Variants in ADAMTSL3 observed in about 807,000 individuals in gnomAD.
ADAMTSL3 encodes the protein ADAMTS-like protein 3.
A neutral mutation model predicts 201.7 loss-of-function variants in ADAMTSL3; 128 were observed. That is an observed-to-expected ratio of 0.63 (90% confidence interval 0.55 to 0.73). The LOEUF (loss-of-function observed/expected upper bound fraction) is 0.73. ADAMTSL3 is among the 30% of genes least tolerant of loss of function. The pLI is 0.00. For synonymous variants in ADAMTSL3, 738 were observed against 748.4 expected (o/e 0.99, Z 0.23); for missense variants, 1,990 against 2,119.6 (o/e 0.94, Z 1.20).
intron 2 of ADAMTSL3, among the ~76,000 whole-genome samples, chr15:83,699,763 C>T (rs1200048918): frequency 6.6e-6 from 1 of 152,150 alleles, no homozygotes; most frequent in African/African-American, 2.4e-5. Context: ...AGCTTTTGTA[C>T]TTGCTCTTCT....
intron 3 of ADAMTSL3, among the ~76,000 whole-genome samples, chr15:83,708,831 G>T (rs2061891583): frequency 6.6e-6 from 1 of 152,158 alleles, no homozygotes. Context: ...GAATTATACA[G>T]TTTTACAGCT....
intron 2 of ADAMTSL3, among the ~76,000 whole-genome samples, chr15:83,683,216 C>A (rs184532754): frequency 6.6e-6 from 1 of 152,278 alleles, no homozygotes; most frequent in African/African-American, 2.4e-5. Context: ...TTACTTTACC[C>A]TTGCATGTGG....
intron 8 of ADAMTSL3, among the ~76,000 whole-genome samples, chr15:83,864,350 T>C (rs1200344364): frequency 2.6e-5 from 4 of 152,186 alleles, no homozygotes; most frequent in South Asian, 2.1e-4. Flanking sequence ...TGAACATCAA[T>C]GCAAAAATCC....
chr15:83,929,842 A>G lies in ADAMTSL3; in HGVS notation c.2117+5809A>G, dbSNP rs558761290. ...AAGGAACTTGCTCAGCAGCCACAGT[A>G]AATTATGCACCATGACCCACACTCC... On this transcript the variant is annotated intron_variant, in intron 17 of 29. Transcript: ENST00000286744. Among the ~76,000 whole-genome samples the G allele has an allele frequency of 8.8e-4, 134 of 152,082 alleles. 6 individuals are homozygous for G. The South Asian group carries it at 0.027, about 31-fold the overall frequency.
chr15:83,714,449 T>G (rs924775857), intron 3 of ADAMTSL3, among the ~76,000 whole-genome samples: 1 of 152,200 alleles, frequency 6.6e-6, no homozygotes, highest in Non-Finnish European at 1.5e-5. Flanking sequence ...AACTGCAGCC[T>G]TTGCATAAAT....
intron 4 of ADAMTSL3, among the ~76,000 whole-genome samples, chr15:83,798,117 G>T (rs2063457416): frequency 6.6e-6 from 1 of 152,100 alleles, no homozygotes; most frequent in African/African-American, 2.4e-5. Context: ...ACTGCAGAAG[G>T]TTTTTGGCAC....
chr15:83,887,180 C>G (rs1325387913), intron 10 of ADAMTSL3, among the ~76,000 whole-genome samples: 1 of 152,178 alleles, frequency 6.6e-6, no homozygotes, highest in African/African-American at 2.4e-5. Context: ...ACACACTCCA[C>G]TTTGAGAACC....
intron 19 of ADAMTSL3, among the ~76,000 whole-genome samples, chr15:83,966,736 A>G (rs1175612997): frequency 6.6e-6 from 1 of 152,186 alleles, no homozygotes; most frequent in Non-Finnish European, 1.5e-5. Flanking sequence ...AAAAAAAGAA[A>G]ATTTCAGGCC....
At chr15:84,034,753 G>C (rs957723402) in intron 28 of ADAMTSL3, among the ~76,000 whole-genome samples, 1 of 152,162 alleles carries the variant, frequency 6.6e-6, no homozygotes, top group Non-Finnish European at 1.5e-5. Flanking sequence ...ATCTACTGCC[G>C]TCAGAATCAG....
chr15:83,817,916 C>T (rs1248467250), intron 5 of ADAMTSL3, among the ~76,000 whole-genome samples: 8 of 152,018 alleles, frequency 5.3e-5, no homozygotes, highest in Non-Finnish European at 8.8e-5. Flanking sequence ...GGCATGGTGG[C>T]GGGCACCTGT....
At chr15:83,820,514 A>T (rs552656011) in intron 6 of ADAMTSL3, among the ~76,000 whole-genome samples, 2 of 152,238 alleles carry the variant, frequency 1.3e-5, no homozygotes, top group Non-Finnish European at 2.9e-5. Context: ...TGCATTTCTA[A>T]CAAGTTCTCT....
chr15:83,950,935 T>C (rs2066745057), intron 19 of ADAMTSL3, among the ~76,000 whole-genome samples: 1 of 152,028 alleles, frequency 6.6e-6, no homozygotes, highest in African/African-American at 2.4e-5. Flanking sequence ...TAAGATCATA[T>C]CATCTGGGAA....
rs751834654 is a variant in ADAMTSL3 at position 84,016,492 on chromosome 15, G to T, written c.4266G>T (p.Pro1422=). 2 of 1,613,298 alleles carry T rather than the reference G, an allele frequency of 1.2e-6. No homozygotes were observed. Among genetic ancestry groups the T allele is most frequent in the Non-Finnish European group, 1.7e-6 (2 of 1,179,446 alleles). Residue 1422 remains proline (P), a synonymous_variant, in exon 25 of 30, where the codon CCG becomes CCT. Coordinates refer to ENST00000286744, the MANE Select transcript of ADAMTSL3 (RefSeq NM_207517.3). The part of the protein sequence containing the change: ...TNSNDPTGEP[P]PQEPFWEPGN... ...GCAATGACCCAACAGGAGAACCCCC[G>T]CCTCAAGGTCTGGGATTTTGACCTT...
At chr15:84,000,786 A>ATT (rs1247430108) in intron 23 of ADAMTSL3, among the ~76,000 whole-genome samples, 1 of 152,234 alleles carries the variant, frequency 6.6e-6, no homozygotes, top group Non-Finnish European at 1.5e-5. Context: ...GCACGGAAAC[A>ATT]TGAAAGCACC....
chr15:83,874,641 C>T lies in ADAMTSL3; in HGVS notation c.960+3682C>T, dbSNP rs569675989. On this transcript the variant is annotated intron_variant, in intron 9 of 29. Transcript: ENST00000286744. ...GCCATCCTGGCATGAACAATAAAGC[C>T]GATGGTCTCCCTAGATGCAGAGCTC... Among the ~76,000 whole-genome samples the T allele has an allele frequency of 1.8e-4, 26 of 143,730 alleles. 2 individuals carry two copies. The highest frequency in any genetic ancestry group is 4.1e-4 in the Admixed American group (6 of 14,722). 94.3% of individuals were successfully genotyped at this position (143,730 alleles called of 152,430 possible).
At chr15:83,808,495 T>G (rs907249779) in intron 5 of ADAMTSL3, among the ~76,000 whole-genome samples, 1 of 152,142 alleles carries the variant, frequency 6.6e-6, no homozygotes, top group African/African-American at 2.4e-5. Flanking sequence ...TTCCTGAGGA[T>G]GTGGAGAAAA....
At chr15:83,655,001 C>T (rs73450460) in intron 1 of ADAMTSL3, among the ~76,000 whole-genome samples, 10,840 of 152,284 alleles carry the variant, frequency 0.071, 431 homozygotes, top group East Asian at 0.12. Context: ...CGAGTGTGAC[C>T]TCGGCTTTTC....
intron 10 of ADAMTSL3, among the ~76,000 whole-genome samples, chr15:83,888,044 C>A (rs368105735): frequency 1.3e-4 from 20 of 152,184 alleles, no homozygotes; most frequent in African/African-American, 4.8e-4. Flanking sequence ...TGATCAAATT[C>A]TTGGGAAGCA....
intron 3 of ADAMTSL3, among the ~76,000 whole-genome samples, chr15:83,763,629 T>C (rs919282363): frequency 8.6e-5 from 13 of 151,772 alleles, no homozygotes; most frequent in Non-Finnish European, 1.8e-4. Context: ...CTCAGCCTCC[T>C]GAGTAGCTGG....
Sources: allele counts gnomAD v4.1 joint callset (sites outside exome capture counted in the v4.1 genomes callset), GRCh38; gene constraint gnomAD v4.1.1; transcripts MANE v1.5; gene names NCBI Gene and HGNC (gene_info 2026-07-23, HGNC 2026-07-21).